The following CREM variants were observed in gnomAD, a reference collection of about 807,000 sequenced individuals.
The protein encoded by CREM is cAMP responsive element modulator.
In CREM, 13 loss-of-function variants were observed where a neutral mutation model predicts 37.3. That is an observed-to-expected ratio of 0.35 (90% CI 0.23 to 0.55). CREM has a LOEUF of 0.55. CREM is among the 20% of genes least tolerant of loss of function. The pLI is 0.88. For missense variants in CREM, 296 were observed against 362.3 expected (o/e 0.82, Z 1.49); for synonymous variants, 124 against 120.2 (o/e 1.03, Z -0.21).
chr10:35,142,914 G>C (rs2091619413), intron 2 of CREM, among the ~76,000 whole-genome samples: 1 of 151,666 alleles, frequency 6.6e-6, no homozygotes. Context: ...GGCCTCAATA[G>C]CTTATTCTGT....
intron 6 of CREM, among the ~76,000 whole-genome samples, chr10:35,192,274 C>T (rs2094949843): frequency 6.6e-6 from 1 of 152,190 alleles, no homozygotes; most frequent in Non-Finnish European, 1.5e-5. Flanking sequence ...TTCTGGGAGC[C>T]ACTGATAGTT....
chr10:35,169,865 C>T (rs1362742905), intron 3 of CREM, among the ~76,000 whole-genome samples: 1 of 151,312 alleles, frequency 6.6e-6, no homozygotes, highest in East Asian at 1.9e-4. Flanking sequence ...TGGTTTTTGT[C>T]TTTGTTTCTG....
rs900370507 is a variant in CREM, at chr10:35,201,386, A to T, written c.599-5509A>T. On this transcript the variant is annotated intron_variant, in intron 6 of 7. Coordinates refer to ENST00000685392, the MANE Select transcript of CREM (RefSeq NM_183011.2). ...CCATGTGCCAGGCACTGTGCTAGAC[A>T]CTTTGACATACATTGTAGGGTTTAT... 3.9e-6 allele frequency: 6 copies of T among 1,537,246 alleles called. No homozygotes were observed. The African/African-American group carries it at 8.2e-5, about 21-fold the overall frequency.
intron 3 of CREM, among the ~76,000 whole-genome samples, chr10:35,154,729 A>G (rs547586212): frequency 2.8e-4 from 42 of 152,174 alleles, no homozygotes; most frequent in Non-Finnish European, 5.7e-4. Flanking sequence ...TTTTCAATAA[A>G]TGCTAAATCT....
At chr10:35,199,248 A>G (rs527568276) in intron 6 of CREM, among the ~76,000 whole-genome samples, 1 of 152,260 alleles carries the variant, frequency 6.6e-6, no homozygotes, top group Non-Finnish European at 1.5e-5. Flanking sequence ...ATAACAAGGC[A>G]TTTATCTACC....
chr10:35,151,335 AT>A (rs1176521770), intron 3 of CREM, among the ~76,000 whole-genome samples: 1 of 151,950 alleles, frequency 6.6e-6, no homozygotes, highest in East Asian at 1.9e-4. Context: ...TGTTAGAAGT[AT>A]TTTTTTGTTG....
intron 2 of CREM, among the ~76,000 whole-genome samples, chr10:35,138,336 A>G (rs933805866): frequency 6.6e-6 from 1 of 152,196 alleles, no homozygotes; most frequent in African/African-American, 2.4e-5. Context: ...CGTTAGTTGG[A>G]TGTAGTCCTA....
intron 5 of CREM, among the ~76,000 whole-genome samples, chr10:35,180,079 A>G (rs992542170): frequency 6.6e-6 from 1 of 152,188 alleles, no homozygotes; most frequent in African/African-American, 2.4e-5. Flanking sequence ...AAGTTGTCTA[A>G]ATCAATTTCC....
At chr10:35,169,892 C>T (rs530399480) in intron 3 of CREM, among the ~76,000 whole-genome samples, 2 of 151,000 alleles carry the variant, frequency 1.3e-5, no homozygotes, top group South Asian at 2.1e-4. Context: ...TGCTGGATTA[C>T]GTTTATTGAT....
chr10:35,207,732 C>T (rs1170996561), intron 7 of CREM, among the ~76,000 whole-genome samples: 4 of 152,014 alleles, frequency 2.6e-5, no homozygotes, highest in Non-Finnish European at 5.9e-5. Context: ...TGAGGTCGCG[C>T]CACTGGACTG....
intron 2 of CREM, among the ~76,000 whole-genome samples, chr10:35,141,491 G>A (rs1309183354): frequency 1.3e-5 from 2 of 152,150 alleles, no homozygotes; most frequent in African/African-American, 2.4e-5. Context: ...CAGAGAGGGA[G>A]TTTCAGGGGT....
At chr10:35,197,410 AT>A (rs1417087298) in intron 6 of CREM, among the ~76,000 whole-genome samples, 1 of 148,090 alleles carries the variant, frequency 6.8e-6, no homozygotes, top group Non-Finnish European at 1.5e-5. Flanking sequence ...ATTTTATTTC[AT>A]TTTACTTTAT....
chr10:35,192,742 A>G (rs527291911), intron 6 of CREM, among the ~76,000 whole-genome samples: 3 of 152,238 alleles, frequency 2.0e-5, no homozygotes, highest in African/African-American at 7.2e-5. Flanking sequence ...TCCAAATACT[A>G]TTGCATTGGA....
intron 6 of CREM, among the ~76,000 whole-genome samples, chr10:35,197,825 A>G (rs1005345591): frequency 1.1e-4 from 16 of 151,904 alleles, no homozygotes; most frequent in African/African-American, 3.9e-4. Flanking sequence ...GGTGTAGTAG[A>G]GTAGCTTTAG....
chr10:35,201,300 C>T lies in CREM; in HGVS notation c.599-5595C>T, dbSNP rs1434541183. On this transcript the variant is annotated intron_variant, in intron 6 of 7. Transcript: ENST00000685392. ...TATACGGTATAAGCATAACTTGGAA[C>T]GTTGTCTTTCAGAACTTAAGGAGGG... The T allele has an allele frequency of 1.7e-5, 12 of 723,718 alleles. 1 individual carries two copies. Among genetic ancestry groups the T allele is most frequent in the African/African-American group, 7.0e-5 (4 of 56,896 alleles). The allele number at this position is 723,718 out of a possible 1,614,324, so 44.8% of individuals were successfully genotyped here.
intron 3 of CREM, among the ~76,000 whole-genome samples, chr10:35,160,050 GT>G (rs2093191719): frequency 6.6e-6 from 1 of 151,940 alleles, no homozygotes; most frequent in African/African-American, 2.4e-5. Context: ...AGAACCAATG[GT>G]GTGGTGATTT....
intron 2 of CREM, among the ~76,000 whole-genome samples, chr10:35,144,229 C>T (rs1233826561): frequency 1.3e-5 from 2 of 152,152 alleles, no homozygotes; most frequent in Non-Finnish European, 2.9e-5. Context: ...TGGCTGCTGA[C>T]CTTCCATCTC....
At chr10:35,168,214 C>G (rs1335063420) in intron 3 of CREM, among the ~76,000 whole-genome samples, 1 of 152,200 alleles carries the variant, frequency 6.6e-6, no homozygotes, top group Non-Finnish European at 1.5e-5. Context: ...ACAGTCCCAC[C>G]AACAGTGTAA....
At chr10:35,168,326 A>T (rs1038587991) in intron 3 of CREM, among the ~76,000 whole-genome samples, 37 of 152,278 alleles carry the variant, frequency 2.4e-4, no homozygotes, top group African/African-American at 8.2e-4. Flanking sequence ...ATTGTGGTTT[A>T]GATTTGCATT....
Sources: gnomAD v4.1 joint callset for allele counts (sites outside exome capture counted in the v4.1 genomes callset) on GRCh38, gnomAD v4.1.1 for gene constraint, MANE v1.5 for transcripts, NCBI Gene and HGNC (gene_info 2026-07-23, HGNC 2026-07-21) for gene names.